The following NRXN1 variants were observed in gnomAD, a reference collection of about 807,000 sequenced individuals.
The protein encoded by NRXN1 is neurexin-1.
A neutral mutation model predicts 150.9 loss-of-function variants in NRXN1; 39 were observed. The ratio of observed to expected loss-of-function variants is 0.26; its 90% CI spans 0.20 to 0.34. The LOEUF (loss-of-function observed/expected upper bound fraction) is 0.34. NRXN1 is among the 10% of genes least tolerant of loss of function. The probability of loss-of-function intolerance (pLI) is 1.00; values close to 1 mark genes in which losing one functional copy is unlikely to be tolerated. For missense variants in NRXN1, 1,815 were observed against 1,949.9 expected (o/e 0.93, Z 1.30); for synonymous variants, 924 against 757.0 (o/e 1.22, Z -3.62).
At chr2:50,255,772 T>C (rs1348001280) in intron 17 of NRXN1, among the ~76,000 whole-genome samples, 3 of 152,194 alleles carry the variant, frequency 2.0e-5, no homozygotes, top group African/African-American at 7.2e-5. Flanking sequence ...GTTTTCAAAG[T>C]CATTTAAATT....
intron 17 of NRXN1, among the ~76,000 whole-genome samples, chr2:50,422,699 A>T (rs2084092578): frequency 6.6e-6 from 1 of 152,184 alleles, no homozygotes; most frequent in Non-Finnish European, 1.5e-5. Context: ...TGAAGATTTG[A>T]TTCGTGATGT....
At chr2:50,248,537 C>T (rs897228700) in intron 17 of NRXN1, among the ~76,000 whole-genome samples, 1 of 152,108 alleles carries the variant, frequency 6.6e-6, no homozygotes, top group African/African-American at 2.4e-5. Context: ...TTAAAATGAA[C>T]ATATTCTAAA....
chr2:50,344,813 G>A (rs1246494970), intron 17 of NRXN1, among the ~76,000 whole-genome samples: 1 of 152,152 alleles, frequency 6.6e-6, no homozygotes, highest in African/African-American at 2.4e-5. Context: ...ACACAGAAAA[G>A]GAGAAGTTGC....
intron 5 of NRXN1, among the ~76,000 whole-genome samples, chr2:50,854,537 A>G (rs1327529053): frequency 6.6e-6 from 1 of 152,108 alleles, no homozygotes. Flanking sequence ...ATTTCAAATC[A>G]CACTTTGTTT....
At chr2:50,543,857 A>G (rs972157287) in intron 9 of NRXN1, among the ~76,000 whole-genome samples, 6 of 152,166 alleles carry the variant, frequency 3.9e-5, no homozygotes, top group Non-Finnish European at 4.4e-5. Context: ...ACAAGTTTAA[A>G]TTACTAGGAA....
intron 5 of NRXN1, among the ~76,000 whole-genome samples, chr2:50,833,591 GAGACAAAACTA>G (rs1410394136): frequency 6.6e-6 from 1 of 152,110 alleles, no homozygotes; most frequent in Non-Finnish European, 1.5e-5. Context: ...CATTCTCAAA[GAGACAAAACTA>G]TAGTTACAGA....
chr2:49,922,533 A>G (rs2104004449), intron 22 of NRXN1, among the ~76,000 whole-genome samples: 1 of 152,274 alleles, frequency 6.6e-6, no homozygotes, highest in East Asian at 1.9e-4. Context: ...AATTAGCTCT[A>G]AAGGGCCATG....
chr2:50,617,187 A>G (rs534719895), intron 8 of NRXN1, among the ~76,000 whole-genome samples: 1 of 152,160 alleles, frequency 6.6e-6, no homozygotes, highest in African/African-American at 2.4e-5. Flanking sequence ...GACACCCAGC[A>G]CGTTGGGAGG....
intron 21 of NRXN1, among the ~76,000 whole-genome samples, chr2:50,045,115 T>G (rs934881866): frequency 6.6e-6 from 1 of 152,056 alleles, no homozygotes; most frequent in Non-Finnish European, 1.5e-5. Flanking sequence ...AGCCTAATGG[T>G]GTTAATGTAT....
intron 5 of NRXN1, among the ~76,000 whole-genome samples, chr2:50,916,319 T>C (rs1295978368): frequency 6.6e-6 from 1 of 151,264 alleles, no homozygotes. Flanking sequence ...AGATCTCTAA[T>C]ATTCTTCTCT....
intron 19 of NRXN1, among the ~76,000 whole-genome samples, chr2:50,082,884 C>T (rs1346660910): frequency 6.6e-6 from 1 of 152,112 alleles, no homozygotes; most frequent in Non-Finnish European, 1.5e-5. Flanking sequence ...CAATAGTATC[C>T]AAATAGCAGA....
intron 17 of NRXN1, among the ~76,000 whole-genome samples, chr2:50,441,190 G>A (rs186509257): frequency 6.6e-4 from 100 of 152,158 alleles, no homozygotes; most frequent in Non-Finnish European, 1.2e-3. Flanking sequence ...GTTAATCCCC[G>A]TGATTCAAAG....
intron 8 of NRXN1, among the ~76,000 whole-genome samples, chr2:50,585,007 T>C (rs144196271): frequency 2.0e-5 from 3 of 151,914 alleles, no homozygotes; most frequent in African/African-American, 7.3e-5. Context: ...GCACACAAAG[T>C]TTTTTTTCAT....
intron 21 of NRXN1, among the ~76,000 whole-genome samples, chr2:50,049,216 T>C (rs974571061): frequency 1.3e-5 from 2 of 152,158 alleles, no homozygotes; most frequent in African/African-American, 4.8e-5. Flanking sequence ...ACATCAGGTA[T>C]GCACAGGTAC....
At chr2:50,177,271 G>A (rs2060411789) in intron 18 of NRXN1, among the ~76,000 whole-genome samples, 2 of 151,824 alleles carry the variant, frequency 1.3e-5, no homozygotes, top group Non-Finnish European at 2.9e-5. Context: ...CCTCCCTTTT[G>A]GAGTTTCCAG....
intron 5 of NRXN1, among the ~76,000 whole-genome samples, chr2:50,655,095 C>T (rs1205874419): frequency 6.6e-6 from 1 of 151,606 alleles, no homozygotes; most frequent in East Asian, 2.0e-4. Flanking sequence ...AGTTATGTGG[C>T]CAATTTTAGA....
intron 19 of NRXN1, among the ~76,000 whole-genome samples, chr2:50,064,147 C>A (rs929694405): frequency 2.0e-5 from 3 of 151,784 alleles, no homozygotes; most frequent in African/African-American, 4.8e-5. Context: ...CATATGTGTG[C>A]ATGTCTATTT....
intron 2 of NRXN1, among the ~76,000 whole-genome samples, chr2:50,986,202 G>A (rs1004420194): frequency 3.2e-4 from 49 of 151,638 alleles, no homozygotes; most frequent in African/African-American, 1.1e-3. Context: ...ATATTAAGTC[G>A]TGGTGAGGAG....
chr2:50,946,120 C>A (rs556752987), intron 2 of NRXN1, among the ~76,000 whole-genome samples: 30 of 152,050 alleles, frequency 2.0e-4, no homozygotes, highest in Non-Finnish European at 3.8e-4. Context: ...TCCCATGGGG[C>A]TGCCATGTTA....
Sources: gnomAD v4.1 joint callset for allele counts (sites outside exome capture counted in the v4.1 genomes callset) on GRCh38, gnomAD v4.1.1 for gene constraint, MANE v1.5 for transcripts, NCBI Gene and HGNC (gene_info 2026-07-23, HGNC 2026-07-21) for gene names.